Variants in CFAP61 observed in about 807,000 individuals in gnomAD.
CFAP61 encodes the protein cilia and flagella associated protein 61.
A neutral mutation model predicts 135.6 loss-of-function variants in CFAP61; 107 were observed. The ratio of observed to expected loss-of-function variants is 0.79; its 90% CI spans 0.67 to 0.93. The LOEUF is 0.93. Among genes scored for constraint, CFAP61 ranks in the 40% least tolerant of loss-of-function variants. The pLI is 0.00. For missense variants in CFAP61, 1,507 were observed against 1,556.2 expected, an observed-to-expected ratio of 0.97 and a Z score of 0.53; for synonymous variants, 575 against 578.5, an observed-to-expected ratio of 0.99 and a Z score of 0.09.
chr20:20,282,189 T>A (rs2147051735), intron 22 of CFAP61, among the ~76,000 whole-genome samples: 3 of 152,304 alleles, frequency 2.0e-5, no homozygotes, highest in South Asian at 4.1e-4. Flanking sequence ...TCTCTGACTC[T>A]CTCTCTTTCT....
intron 18 of CFAP61, among the ~76,000 whole-genome samples, chr20:20,239,880 C>T (rs1031399013): frequency 6.6e-5 from 10 of 152,148 alleles, no homozygotes; most frequent in African/African-American, 2.4e-4. Context: ...GAGACAAACC[C>T]TCTAGACAAG....
chr20:20,260,745 AAGTAGCTCTC>A (rs1338897225), intron 20 of CFAP61, among the ~76,000 whole-genome samples: 31 of 152,214 alleles, frequency 2.0e-4, no homozygotes, highest in Admixed American at 1.3e-4. Flanking sequence ...TTTATAAATG[AAGTAGCTCTC>A]AATTTGTTCT....
In CFAP61 at chr20:20,233,128, C is replaced by T. The variant is rs930358425; in HGVS notation, c.2060+4752C>T. ...ATGACCACAACTCCTGTTATCGGGC[C>T]GTGCAGTTCCGCACAATATCCGGCA... On this transcript the variant is annotated intron_variant, in intron 18 of 26. Transcript: ENST00000245957. Among the ~76,000 whole-genome samples, 5 of 152,322 alleles carry T rather than the reference C, an allele frequency of 3.3e-5. No homozygotes were observed. In the East Asian group the frequency reaches 5.8e-4, roughly 18 times the overall value.
At chr20:20,171,647 T>C (rs563546934) in intron 13 of CFAP61, 88 of 441,272 alleles carry the variant, frequency 2.0e-4, no homozygotes, top group African/African-American at 1.7e-3. Context: ...AGTAATTTTA[T>C]TCTTGACCAT....
chr20:20,340,084 C>G (rs1359951355), intron 25 of CFAP61, among the ~76,000 whole-genome samples: 1 of 152,204 alleles, frequency 6.6e-6, no homozygotes, highest in African/African-American at 2.4e-5. Context: ...CCATGCAGGT[C>G]TCTGCCAGGA....
intron 18 of CFAP61, 55 bp downstream of exon 18, chr20:20,228,431 C>T (rs914432975): frequency 9.5e-6 from 14 of 1,476,928 alleles, no homozygotes; most frequent in Middle Eastern, 1.8e-4. Flanking sequence ...AAATTATCTT[C>T]CTACATCTGA....
intron 13 of CFAP61, chr20:20,172,146 G>A: frequency 1.2e-6 from 1 of 866,158 alleles, no homozygotes; most frequent in Non-Finnish European, 1.4e-6. Flanking sequence ...GATACTATGG[G>A]AACATTATAT....
At chr20:20,269,188 C>CACAT (rs1555941697) in intron 21 of CFAP61, among the ~76,000 whole-genome samples, 2 of 131,142 alleles carry the variant, frequency 1.5e-5, no homozygotes, top group Non-Finnish European at 3.3e-5. Flanking sequence ...TATACACACA[C>CACAT]ATATATACAT....
intron 9 of CFAP61, among the ~76,000 whole-genome samples, chr20:20,158,349 G>GAAA (rs58068878): frequency 9.8e-6 from 1 of 101,796 alleles, no homozygotes; most frequent in Non-Finnish European, 2.0e-5. Flanking sequence ...GTGGACCTTT[G>GAAA]AAAAAAAAAA....
intron 25 of CFAP61, among the ~76,000 whole-genome samples, chr20:20,313,202 T>C (rs944191718): frequency 3.3e-5 from 5 of 152,176 alleles, no homozygotes; most frequent in African/African-American, 7.2e-5. Flanking sequence ...TCTCTATCTC[T>C]CTCTCTGTCA....
intron 26 of CFAP61, among the ~76,000 whole-genome samples, chr20:20,355,056 T>A (rs77907260): frequency 7.9e-6 from 1 of 127,236 alleles, no homozygotes; most frequent in Non-Finnish European, 1.6e-5. Flanking sequence ...GGTCACACTG[T>A]GAGAGGGAAG....
chr20:20,250,942 G>A (rs566834225), intron 19 of CFAP61, among the ~76,000 whole-genome samples: 17 of 152,338 alleles, frequency 1.1e-4, no homozygotes, highest in East Asian at 1.9e-4. Context: ...GCCTGCTGGC[G>A]GTCGAAGTCT....
intron 17 of CFAP61, among the ~76,000 whole-genome samples, chr20:20,206,150 T>A (rs2056849173): frequency 6.6e-6 from 1 of 152,174 alleles, no homozygotes; most frequent in Admixed American, 6.5e-5. Context: ...CTTCTTAACA[T>A]CTTAGTGTTG....
rs761105056 is a variant in CFAP61, at chr20:20,052,572, G to T, written c.-56G>T. The T allele has an allele frequency of 6.2e-7, 1 of 1,613,894 alleles. No homozygotes were observed. Among genetic ancestry groups the T allele is most frequent in the Non-Finnish European group, 8.5e-7 (1 of 1,179,886 alleles). ...CTTGCGGCAGCGCGTGGAGTGCGGC[G>T]TCCTGGAGCTGCGGATGAGGTGGGT... On this transcript the variant is annotated 5_prime_UTR_variant, in exon 1 of 27. Transcript: ENST00000245957.
At chr20:20,341,798 G>A (rs1299991733) in intron 25 of CFAP61, 33 bp from the exon 26 acceptor site, 1 of 1,508,860 alleles carries the variant, frequency 6.6e-7, no homozygotes, top group East Asian at 2.3e-5. Context: ...TGAGAGGGTT[G>A]CCAGCTCACT....
In CFAP61 at chr20:20,192,735, G is replaced by A. The variant is rs149768034; in HGVS notation, c.1590+1316G>A. 3.2e-3 allele frequency among the ~76,000 whole-genome samples: 489 copies of A among 152,114 alleles called. 6 individuals are homozygous for A. The highest frequency in any genetic ancestry group is 0.011 in the African/African-American group (462 of 41,436). On this transcript the variant is annotated intron_variant, in intron 15 of 26. Transcript: ENST00000245957. ...ACCCTGACCTGACACAGTTCTAGAC[G>A]TTGATCACTTATTTCTACGTGTTTT... is the stretch of plus-strand genomic sequence containing the variant.
chr20:20,256,367 G>A (rs973382319), intron 20 of CFAP61, among the ~76,000 whole-genome samples: 1 of 150,998 alleles, frequency 6.6e-6, no homozygotes, highest in African/African-American at 2.4e-5. Flanking sequence ...ATCAGAGGAA[G>A]AACATAGTTG....
intron 17 of CFAP61, among the ~76,000 whole-genome samples, chr20:20,227,582 AT>A (rs1215774030): frequency 1.3e-5 from 2 of 152,222 alleles, no homozygotes; most frequent in African/African-American, 2.4e-5. Context: ...AATTCAGGTA[AT>A]TTTTGTAAAC....
chr20:20,057,295 T>C (rs2044433377), intron 2 of CFAP61, among the ~76,000 whole-genome samples: 2 of 152,240 alleles, frequency 1.3e-5, no homozygotes, highest in South Asian at 4.1e-4. Flanking sequence ...TATAATAATA[T>C]GCAAATCAAA....
Sources: gnomAD v4.1 joint callset for allele counts (sites outside exome capture counted in the v4.1 genomes callset) on GRCh38, gnomAD v4.1.1 for gene constraint, MANE v1.5 for transcripts, NCBI Gene and HGNC (gene_info 2026-07-23, HGNC 2026-07-21) for gene names.